The following RTL1 variants were observed in gnomAD, a reference collection of about 807,000 sequenced individuals.
RTL1 encodes retrotransposon-like protein 1.
For synonymous variants in RTL1, 727 were observed against 748.4 expected, an observed-to-expected ratio of 0.97 and a Z score of 0.47; for missense variants, 1,681 against 1,767.5, an observed-to-expected ratio of 0.95 and a Z score of 0.88.
At chr14:100,894,064 C>T (rs532454235) in intron 2 of RTL1, among the ~76,000 whole-genome samples, 1 of 152,204 alleles carries the variant, frequency 6.6e-6, no homozygotes, top group South Asian at 2.1e-4. Context: ...TAATGCAGCT[C>T]GTTGGGTGGC....
chr14:100,883,370 C>T lies in RTL1; in HGVS notation c.1419G>A (p.Trp473Ter). Residue 473 changes from tryptophan to a stop codon, truncating the protein, a stop_gained, in exon 4 of 4, where the codon TGG becomes TGA. Transcript: ENST00000649591. LOFTEE classifies it low-confidence loss of function (END_TRUNC). This position sits in a 1 kb window ranked among gnomAD's most constrained non-coding sequence, Gnocchi z 5.9. ...DGSLIGNEPV[W>*]LYTEPLVCIH... ...TACACACCAGGGGCTCCGTGTAGAG[C>T]CAGACAGGCTCGTTGCCAATCAGCG... 6.4e-7 allele frequency: 1 copy of T among 1,551,174 alleles called. No individual in the cohort carries two copies. Among genetic ancestry groups the T allele is most frequent in the Non-Finnish European group, 8.7e-7 (1 of 1,146,662 alleles).
chr14:100,897,751 C>G (rs34074442), intron 2 of RTL1: 104 of 50,444 alleles, frequency 2.1e-3, no homozygotes, highest in African/African-American at 5.8e-3. Flanking sequence ...CCCTGGTTGG[C>G]GGGGGGGGGG....
chr14:100,892,593 C>T (rs572830785), intron 3 of RTL1, among the ~76,000 whole-genome samples: 4 of 152,266 alleles, frequency 2.6e-5, no homozygotes, highest in African/African-American at 4.8e-5. Flanking sequence ...CACAAGGGGA[C>T]GATGCCCTGC....
Position 100,882,259 on chromosome 14 carries a change from A to C in RTL1, c.2530T>G (p.Tyr844Asp). The C allele has an allele frequency of 6.4e-7, 1 of 1,551,554 alleles. No homozygotes were observed. Among genetic ancestry groups the C allele is most frequent in the Non-Finnish European group, 8.7e-7 (1 of 1,147,010 alleles). Reference protein sequence around the residue: ...VRQLLSSYQFYWGVEEQEAFE... With the variant: ...VRQLLSSYQFDWGVEEQEAFE... ...GCCTCTTGCTCCTCGACTCCCCAGT[A>C]GAACTGGTAGGAGCTCAGCAGCTGC... The change falls in exon 4 of 4, where the codon TAC becomes GAC. Residue 844 changes from tyrosine to aspartate, a missense_variant. Coordinates refer to ENST00000649591, the MANE Select transcript of RTL1 (RefSeq NM_001134888.3).
In RTL1 at chr14:100,880,791, G is replaced by A. The variant is rs760910837; in HGVS notation, c.3998C>T (p.Pro1333Leu). Reference protein sequence around the residue: ...TLIYRRALPIPAWESQPREQA... With the variant: ...TLIYRRALPILAWESQPREQA... ...CTCCCTGGGCTGGCTCTCCCAGGCG[G>A]GGATGGGCAGGGCCCGCCTGTAGAT... Residue 1333 changes from proline to leucine, a missense_variant, in exon 4 of 4, where the codon CCC (proline) becomes CTC (leucine). Physicochemically the swap from Pro to Leu is moderately conservative, Grantham distance 98 (BLOSUM62 -3). Transcript: ENST00000649591. 4 of 1,550,588 alleles carry A rather than the reference G, an allele frequency of 2.6e-6. No homozygotes were observed. Among genetic ancestry groups the A allele is most frequent in the East Asian group, 2.4e-5 (1 of 40,882 alleles).
chr14:100,891,655 G>A (rs1275215544), intron 3 of RTL1, among the ~76,000 whole-genome samples: 2 of 152,200 alleles, frequency 1.3e-5, no homozygotes, highest in Non-Finnish European at 2.9e-5. Flanking sequence ...CCTGCGGGAG[G>A]GGCTGTGCGA....
chr14:100,884,606 G>C lies in RTL1; in HGVS notation c.183C>G (p.Gly61=), dbSNP rs1166780020. 1 of 1,613,704 alleles carries C rather than the reference G, an allele frequency of 6.2e-7. No individual in the cohort carries two copies. Among genetic ancestry groups the C allele is most frequent in the Non-Finnish European group, 8.5e-7 (1 of 1,179,760 alleles). ...GCAGCTCTTCCATTTCCTGGAGTGGGCCACTGGGGGGCTCCTTCTTTTCCT... is the reference window on the plus strand; with the variant it reads ...GCAGCTCTTCCATTTCCTGGAGTGGCCCACTGGGGGGCTCCTTCTTTTCCT... ...PAQEKKEPPS[G]PLQEMEELPT... Residue 61 remains glycine, a synonymous_variant, in exon 4 of 4, where the codon GGC becomes GGG. Coordinates refer to ENST00000649591, the MANE Select transcript of RTL1 (RefSeq NM_001134888.3).
In RTL1 at chr14:100,883,169, T is replaced by C. The variant is rs1404402973; in HGVS notation, c.1620A>G (p.Pro540=). Residue 540 remains proline, a synonymous_variant, in exon 4 of 4, where the codon CCA becomes CCG. Coordinates refer to ENST00000649591, the MANE Select transcript of RTL1 (RefSeq NM_001134888.3). The surrounding 1 kb of genome is among the most constrained non-coding windows in gnomAD (Gnocchi z 5.9). Reference sequence around the variant, plus strand: ...TGCCGTGCCTCTCTAGGGCAATGCATGGCGGGGGCGGGCGGAAGCAGTTCT... The same window carrying C: ...TGCCGTGCCTCTCTAGGGCAATGCACGGCGGGGGCGGGCGGAAGCAGTTCT... ...CLKNCFRPPP[P]CIALERHGMS... The C allele has an allele frequency of 1.9e-6, 3 of 1,590,916 alleles. No homozygotes were observed. In the African/African-American group the frequency reaches 4.0e-5, roughly 21 times the overall value.
intron 3 of RTL1, among the ~76,000 whole-genome samples, chr14:100,892,951 G>A (rs1407089000): frequency 6.6e-6 from 1 of 152,160 alleles, no homozygotes; most frequent in Admixed American, 6.5e-5. Flanking sequence ...GCTGGCACAA[G>A]GCCCCCGAGA....
rs749620454 is a variant in RTL1, at chr14:100,888,302, A to G, written c.-86-3428T>C. On this transcript the variant is annotated intron_variant, in intron 3 of 3. Coordinates refer to ENST00000649591, the MANE Select transcript of RTL1 (RefSeq NM_001134888.3). ...TGTGCCAAAATGCACTTGTTTGAGC[A>G]TGTAACTTCTCAACTTAAAACTTCT... Among the ~76,000 whole-genome samples the G allele has an allele frequency of 5.3e-5, 8 of 152,352 alleles. 2 individuals carry two copies. The highest frequency in any genetic ancestry group is 4.6e-4 in the Admixed American group (7 of 15,308).
Position 100,881,244 on chromosome 14 carries a change from G to A in RTL1, c.3545C>T (p.Ala1182Val). 1 of 1,549,174 alleles carries A rather than the reference G, an allele frequency of 6.5e-7. No individual in the cohort carries two copies. Among genetic ancestry groups the A allele is most frequent in the East Asian group, 2.4e-5 (1 of 40,878 alleles). Residue 1182 changes from alanine (A) to valine (V), a missense_variant, in exon 4 of 4, where the codon GCC (alanine) becomes GTC (valine). Physicochemically the swap from Ala to Val is moderately conservative, Grantham distance 64 (BLOSUM62 0). Coordinates refer to ENST00000649591, the MANE Select transcript of RTL1 (RefSeq NM_001134888.3). This position sits in a 1 kb window ranked among gnomAD's most constrained non-coding sequence, Gnocchi z 6.6. The part of the protein sequence containing the change: ...RWQRNALHSQ[A>V]HRGLQFTPGF... Reference sequence around the variant, plus strand: ...AGGGGTGAACTGCAGGCCTCGGTGGGCCTGGGAGTGCAGAGCATTTCGCTG... The same window carrying A: ...AGGGGTGAACTGCAGGCCTCGGTGGACCTGGGAGTGCAGAGCATTTCGCTG...
chr14:100,887,392 C>T (rs780269722), intron 3 of RTL1, among the ~76,000 whole-genome samples: 1 of 152,172 alleles, frequency 6.6e-6, no homozygotes, highest in African/African-American at 2.4e-5. Context: ...TAGAACAATA[C>T]ATTTTACTAT....
chr14:100,898,026 C>T (rs766496145), intron 2 of RTL1: 1 of 497,434 alleles, frequency 2.0e-6, no homozygotes, highest in South Asian at 1.5e-5. Context: ...CTGTTTCATT[C>T]CTTTTAAGAG....
At chr14:100,887,301 G>A (rs1255198061) in intron 3 of RTL1, among the ~76,000 whole-genome samples, 4 of 152,048 alleles carry the variant, frequency 2.6e-5, no homozygotes, top group East Asian at 1.9e-4. Flanking sequence ...CAAGATACAC[G>A]AATTTGCTCT....
chr14:100,893,667 T>C lies in RTL1; in HGVS notation c.-148-162A>G, dbSNP rs983927377. 2.6e-5 allele frequency among the ~76,000 whole-genome samples: 4 copies of C among 152,246 alleles called. No homozygotes were observed. Among genetic ancestry groups the C allele is most frequent in the Admixed American group, 6.5e-5 (1 of 15,290 alleles). On this transcript the variant is annotated intron_variant, in intron 2 of 3. Transcript: ENST00000649591. The surrounding 1 kb of genome is among the most constrained non-coding windows in gnomAD (Gnocchi z 4.2). ...GTGAGCTTTTTTCCACGTGGCTACG[T>C]TGGGGACCTCCGTGATGCTTCCTGA...
chr14:100,902,818 A>T (rs781023578), intron 2 of RTL1, among the ~76,000 whole-genome samples: 18 of 152,216 alleles, frequency 1.2e-4, no homozygotes, highest in African/African-American at 4.1e-4. Context: ...AGGCTTGCAC[A>T]CATCAGACAC....
rs1359755799 is a variant in RTL1 at position 100,884,255 on chromosome 14, T to C, written c.534A>G (p.Gln178=). The change falls in exon 4 of 4, where the codon CAA becomes CAG. Residue 178 remains glutamine (Q), a synonymous_variant. Transcript: ENST00000649591. The stretch of plus-strand genomic sequence containing the variant: ...CTACTCTCTGTTGCTCTTTGAGGTC[T>C]TGCATTCGGAAGTACAGCGAGATGA... ...RSIISLYFRM[Q]DLKEQQRVAE... 1 of 1,551,768 alleles carries C rather than the reference T, an allele frequency of 6.4e-7. No individual in the cohort carries two copies. The highest frequency in any genetic ancestry group is 1.4e-5 in the African/African-American group (1 of 73,172).
At position 100,883,645 on chromosome 14, in the gene RTL1, T is replaced by A. The variant is rs2038653723; in HGVS notation, c.1144A>T (p.Ile382Phe). 23 of 1,550,954 alleles carry A rather than the reference T, an allele frequency of 1.5e-5. 1 individual carries two copies. The East Asian group carries it at 5.6e-4, about 38-fold the overall frequency. Residue 382 changes from isoleucine to phenylalanine, a missense_variant, in exon 4 of 4, where the codon ATC becomes TTC. By Grantham distance (21) the Ile-to-Phe change is conservative. Transcript: ENST00000649591. This position sits in a 1 kb window ranked among gnomAD's most constrained non-coding sequence, Gnocchi z 5.9. ...PEARPRNLTW[I>F]DSPAPERWMV... Reference sequence around the variant, plus strand: ...CACCTCTCTGGAGCAGGTGAGTCGATCCAGGTCAGGTTCCGGGGGCGGGCC... The same window carrying A: ...CACCTCTCTGGAGCAGGTGAGTCGAACCAGGTCAGGTTCCGGGGGCGGGCC...
chr14:100,889,113 C>T (rs995759707), intron 3 of RTL1, among the ~76,000 whole-genome samples: 9 of 152,348 alleles, frequency 5.9e-5, no homozygotes, highest in African/African-American at 1.9e-4. Flanking sequence ...AAAATCCAAA[C>T]TCCTTAGCAT....
Sources: allele counts gnomAD v4.1 joint callset (sites outside exome capture counted in the v4.1 genomes callset), GRCh38; gene constraint gnomAD v4.1.1; non-coding constraint Gnocchi (gnomAD v3.1); transcripts MANE v1.5; gene names NCBI Gene and HGNC (gene_info 2026-07-23, HGNC 2026-07-21).